Variants in KIF24 observed in about 807,000 individuals in gnomAD.
The protein encoded by KIF24 is kinesin-like protein KIF24.
KIF24 carries 81 observed loss-of-function variants against 118.9 expected under a neutral mutation model. The observed-to-expected ratio is 0.68, with a 90% CI of 0.57 to 0.82. The LOEUF (loss-of-function observed/expected upper bound fraction) is 0.82, where lower values mean the gene tolerates loss of function less well. Among genes scored for constraint, KIF24 ranks in the 40% least tolerant of loss-of-function variants. The pLI, the probability that KIF24 is intolerant of heterozygous loss-of-function variation, is 0.00. For missense variants in KIF24, 1,560 were observed against 1,661.6 expected (o/e 0.94, Z 1.06); for synonymous variants, 599 against 610.0 (o/e 0.98, Z 0.27).
chr9:34,257,783 G>T lies in KIF24; in HGVS notation c.1824C>A (p.Val608=). 1 of 1,614,034 alleles carries T rather than the reference G, an allele frequency of 6.2e-7. No homozygotes were observed. ...VAAPGSTRGK[V]HPLTSHPPNI... is the part of the protein sequence containing the mutation. ...TGGGTGGGTGGCTGGTCAGAGGATG[G>T]ACCTTCCCTCTCGTGGAACCAGGGG... Residue 608 remains valine, a synonymous_variant, in exon 11 of 13, where the codon GTC becomes GTA. Coordinates refer to ENST00000402558, the MANE Select transcript of KIF24 (RefSeq NM_194313.4).
Position 34,311,052 on chromosome 9 carries a change from T to G in KIF24, c.295A>C (p.Asn99His), listed in dbSNP as rs2131813110. ...TTATTGTCAGCAGGAGAATCAAAATTCAGCTGTCTGCGAGGGCCAGATCTT... is the reference window on the plus strand; with the variant it reads ...TTATTGTCAGCAGGAGAATCAAAATGCAGCTGTCTGCGAGGGCCAGATCTT... ...ELRSGPRRQL[N>H]FDSPADNKDR... The change falls in exon 2 of 13, where the codon AAT (asparagine) becomes CAT (histidine). Residue 99 changes from asparagine (N) to histidine (H), a missense_variant. Transcript: ENST00000402558. 1 of 1,613,970 alleles carries G rather than the reference T, an allele frequency of 6.2e-7. No individual in the cohort carries two copies. The highest frequency in any genetic ancestry group is 1.1e-5 in the South Asian group (1 of 91,076).
At chr9:34,297,954 T>C (rs944755193) in intron 3 of KIF24, among the ~76,000 whole-genome samples, 1 of 152,084 alleles carries the variant, frequency 6.6e-6, no homozygotes, top group African/African-American at 2.4e-5. Flanking sequence ...AAAATGTTAA[T>C]CTACACAAGT....
intron 2 of KIF24, among the ~76,000 whole-genome samples, chr9:34,308,672 T>C (rs1039284508): frequency 4.6e-5 from 7 of 152,206 alleles, no homozygotes; most frequent in East Asian, 3.8e-4. Context: ...TCAAAGAGGA[T>C]AGAAAATGTT....
intron 3 of KIF24, among the ~76,000 whole-genome samples, chr9:34,303,028 C>A (rs1001811238): frequency 1.3e-5 from 2 of 152,062 alleles, no homozygotes; most frequent in Non-Finnish European, 2.9e-5. Context: ...CCTGCCTCAG[C>A]CTCCCAAAGT....
chr9:34,254,225 T>A lies in KIF24; in HGVS notation c.*155A>T. On this transcript the variant is annotated 3_prime_UTR_variant, in exon 13 of 13. Transcript: ENST00000402558. ...TCCCTGAGGGAGAAGCTGGGACCTA[T>A]CTGAAGCCACGTGGGGCTGGGGTGA... 2 of 758,872 alleles carry A rather than the reference T, an allele frequency of 2.6e-6. No individual in the cohort carries two copies. The highest frequency in any genetic ancestry group is 2.0e-6 in the Non-Finnish European group (1 of 507,556). 47.0% of individuals were successfully genotyped at this position (758,872 alleles called of 1,614,324 possible).
chr9:34,257,010 T>C lies in KIF24; in HGVS notation c.2597A>G (p.Glu866Gly), dbSNP rs1834874407. The C allele has an allele frequency of 6.2e-7, 1 of 1,613,894 alleles. No homozygotes were observed. The highest frequency in any genetic ancestry group is 1.3e-5 in the African/African-American group (1 of 74,932). The change falls in exon 11 of 13, where the codon GAG becomes GGG. Residue 866 changes from glutamate (E) to glycine (G), a missense_variant. Glu to Gly is a moderately conservative substitution (Grantham distance 98). Around this residue, in one of 3 missense-constraint regions of KIF24, gnomAD observed 591 missense variants for 655.6 expected, o/e 0.90. Transcript: ENST00000402558. ...CTGCTGTCTTTCTGCCACCTGCTTC[T>C]CAGGACCCTGTCCCCACGTCTGGTG... ...FLHQTWGQGP[E>G]KQVAERQQSL...
chr9:34,326,352 C>T (rs1028688758), intron 1 of KIF24, among the ~76,000 whole-genome samples: 2 of 152,098 alleles, frequency 1.3e-5, no homozygotes, highest in African/African-American at 4.8e-5. Context: ...AGAGTAAGAG[C>T]CTGTCTCAAG....
chr9:34,316,035 A>C (rs564981575), intron 1 of KIF24, among the ~76,000 whole-genome samples: 84 of 147,996 alleles, frequency 5.7e-4, no homozygotes, highest in African/African-American at 1.9e-3. Context: ...TCACCCCCCC[A>C]AAAAAAAAAA....
chr9:34,292,221 A>G (rs1836279097), intron 4 of KIF24, among the ~76,000 whole-genome samples: 1 of 152,188 alleles, frequency 6.6e-6, no homozygotes, highest in African/African-American at 2.4e-5. Flanking sequence ...CCAATCCCCA[A>G]TATGAAAATT....
chr9:34,320,974 C>T (rs898613330), intron 1 of KIF24, among the ~76,000 whole-genome samples: 4 of 152,068 alleles, frequency 2.6e-5, no homozygotes, highest in African/African-American at 9.7e-5. Flanking sequence ...TTTGTAGTTA[C>T]GTATTTTATT....
In KIF24 at chr9:34,318,777, A is replaced by C; in HGVS notation, c.-25-7406T>G. The C allele has an allele frequency of 6.5e-7, 1 of 1,534,146 alleles. No homozygotes were observed. Among genetic ancestry groups the C allele is most frequent in the Non-Finnish European group, 9.0e-7 (1 of 1,112,918 alleles). On this transcript the variant is annotated intron_variant, in intron 1 of 12. Transcript: ENST00000402558. The surrounding 1 kb of genome is among the most constrained non-coding windows in gnomAD (Gnocchi z 4.9). ...TCACTCAGCAACTCCACCGCGCGCA[A>C]CGTGACCTGGAAGCTGTGCAGTCGC...
intron 1 of KIF24, among the ~76,000 whole-genome samples, chr9:34,315,902 G>A (rs982259590): frequency 2.0e-5 from 3 of 152,006 alleles, no homozygotes; most frequent in South Asian, 4.1e-4. Context: ...GGTGGTGTGC[G>A]CCTGTAATCC....
Position 34,257,646 on chromosome 9 carries a change from G to C in KIF24, c.1961C>G (p.Ser654Cys), listed in dbSNP as rs1177138007. 3 of 1,614,054 alleles carry C rather than the reference G, an allele frequency of 1.9e-6. No individual in the cohort carries two copies. The highest frequency in any genetic ancestry group is 2.2e-5 in the South Asian group (2 of 91,086). Residue 654 changes from serine (S) to cysteine (C), a missense_variant, in exon 11 of 13, where the codon TCT becomes TGT. Ser to Cys is a moderately radical substitution (Grantham distance 112). Coordinates refer to ENST00000402558, the MANE Select transcript of KIF24 (RefSeq NM_194313.4). ...TGGCTTTTTTTTGGCCACATGTCCA[G>C]AGCGCACAGTTCCTTTCACAGGGCT... ...HASPVKGTVR[S>C]GHVAKKKPEE...
At chr9:34,268,471 T>C (rs1476902968) in intron 8 of KIF24, among the ~76,000 whole-genome samples, 5 of 151,668 alleles carry the variant, frequency 3.3e-5, no homozygotes, top group Non-Finnish European at 4.4e-5. Context: ...ATATACAATA[T>C]TTATGGAATA....
chr9:34,332,068 C>G (rs1339281297), upstream of KIF24, among the ~76,000 whole-genome samples: 2 of 152,238 alleles, frequency 1.3e-5, no homozygotes, highest in Non-Finnish European at 2.9e-5. Context: ...CTCTCTGCCT[C>G]CAATCTGTCC....
At chr9:34,309,480 G>C (rs964835568) in intron 2 of KIF24, among the ~76,000 whole-genome samples, 5 of 147,748 alleles carry the variant, frequency 3.4e-5, no homozygotes, top group African/African-American at 1.2e-4. Context: ...GGCGGAGCTT[G>C]CAGTGAGCAG....
At chr9:34,309,554 A>T (rs1837060123) in intron 2 of KIF24, among the ~76,000 whole-genome samples, 1 of 151,766 alleles carries the variant, frequency 6.6e-6, no homozygotes, top group Non-Finnish European at 1.5e-5. Flanking sequence ...AAAAAAAAAA[A>T]AAAAAAGAAA....
intron 5 of KIF24, among the ~76,000 whole-genome samples, chr9:34,288,749 G>A (rs1365790314): frequency 6.6e-6 from 1 of 151,586 alleles, no homozygotes; most frequent in African/African-American, 2.4e-5. Flanking sequence ...TACAACTGAG[G>A]AATGCAAATA....
intron 6 of KIF24, among the ~76,000 whole-genome samples, chr9:34,283,674 T>C (rs566216156): frequency 1.5e-4 from 23 of 152,086 alleles, no homozygotes; most frequent in African/African-American, 5.5e-4. Context: ...ACAAGACTCA[T>C]ATCCGGAATA....
Sources: gnomAD v4.1 joint callset for allele counts (sites outside exome capture counted in the v4.1 genomes callset) on GRCh38, gnomAD v4.1.1 for gene constraint, gnomAD v4.1.1 regional missense constraint, Gnocchi (gnomAD v3.1) non-coding constraint, MANE v1.5 for transcripts, NCBI Gene and HGNC (gene_info 2026-07-23, HGNC 2026-07-21) for gene names.